DOCK3: variants seen among roughly 807,000 people sequenced by gnomAD.
The protein encoded by DOCK3 is dedicator of cytokinesis 3.
A neutral mutation model predicts 265.6 loss-of-function variants in DOCK3; 60 were observed. The observed-to-expected ratio is 0.23, with a 90% CI of 0.18 to 0.28. The LOEUF (loss-of-function observed/expected upper bound fraction) is 0.28. DOCK3 is among the 10% of genes least tolerant of loss of function. DOCK3 has a pLI of 1.00. For missense variants in DOCK3, 1,981 were observed against 2,594.3 expected (o/e 0.76, Z 5.14); for synonymous variants, 881 against 938.0 (o/e 0.94, Z 1.11).
At chr3:50,691,870 ATGTC>A (rs1203183548) in intron 1 of DOCK3, among the ~76,000 whole-genome samples, 1 of 151,314 alleles carries the variant, frequency 6.6e-6, no homozygotes, top group African/African-American at 2.4e-5. Flanking sequence ...TTTTGGAAAA[ATGTC>A]TGTTCGAATC....
At chr3:50,911,181 GTTTTTGCTTTTGTTAT>G (rs1371501687) in intron 4 of DOCK3, among the ~76,000 whole-genome samples, 9 of 151,910 alleles carry the variant, frequency 5.9e-5, no homozygotes, top group Admixed American at 5.2e-4. Context: ...CCATTTGTCT[GTTTTTGCTTTTGTTAT>G]TTTTCCTTTG....
intron 9 of DOCK3, among the ~76,000 whole-genome samples, chr3:51,098,080 G>A (rs1041270699): frequency 6.6e-6 from 1 of 151,600 alleles, no homozygotes; most frequent in African/African-American, 2.4e-5. Flanking sequence ...GCCACCGATC[G>A]GAGTTTTGCT....
intron 1 of DOCK3, among the ~76,000 whole-genome samples, chr3:50,758,189 A>G (rs1162461133): frequency 4.4e-5 from 6 of 137,682 alleles, no homozygotes; most frequent in African/African-American, 1.5e-4. Context: ...AAAAAAAAAA[A>G]AAAAAAAGAA....
chr3:50,885,612 T>TA (rs1488903349), intron 3 of DOCK3, among the ~76,000 whole-genome samples: 2 of 152,188 alleles, frequency 1.3e-5, no homozygotes, highest in African/African-American at 4.8e-5. Context: ...GCAGTTCTGA[T>TA]ACCACCAGAG....
chr3:51,375,976 C>T, intron 51 of DOCK3, 141 bp downstream of exon 51: 1 of 826,130 alleles, frequency 1.2e-6, no homozygotes, highest in Non-Finnish European at 2.0e-6. Flanking sequence ...CTGACCAGTT[C>T]TTGTGCTCAC....
intron 14 of DOCK3, among the ~76,000 whole-genome samples, chr3:51,222,868 G>A (rs61578076): frequency 0.02 from 3,091 of 152,246 alleles, 106 homozygotes; most frequent in African/African-American, 0.07. Context: ...GAAACTGTGA[G>A]CATATCTCTG....
intron 12 of DOCK3, among the ~76,000 whole-genome samples, chr3:51,203,393 A>G (rs936765668): frequency 7.9e-5 from 12 of 152,254 alleles, no homozygotes; most frequent in Admixed American, 5.2e-4. Flanking sequence ...GAGCCAAATC[A>G]TGAGTAAACT....
At chr3:50,847,076 T>A (rs576362378) in intron 3 of DOCK3, among the ~76,000 whole-genome samples, 2 of 152,244 alleles carry the variant, frequency 1.3e-5, no homozygotes, top group South Asian at 4.1e-4. Flanking sequence ...GTGTAATTGC[T>A]ATTTTTTTTT....
intron 22 of DOCK3, among the ~76,000 whole-genome samples, chr3:51,256,829 A>G (rs957547018): frequency 1.3e-5 from 2 of 152,146 alleles, no homozygotes; most frequent in African/African-American, 4.8e-5. Context: ...TCCTGACCTC[A>G]GGTGATCCAC....
chr3:51,053,078 G>GATATATATATAGAT, intron 5 of DOCK3, among the ~76,000 whole-genome samples: 1 of 43,788 alleles, frequency 2.3e-5, no homozygotes, highest in Non-Finnish European at 4.2e-5. Context: ...AAAAGTCAAA[G>GATATATATATAGAT]ATATATATAT....
chr3:51,362,656 G>A lies in DOCK3; in HGVS notation c.5275G>A (p.Ala1759Thr). 2 of 1,613,654 alleles carry A rather than the reference G, an allele frequency of 1.2e-6. No homozygotes were observed. Among genetic ancestry groups the A allele is most frequent in the East Asian group, 4.5e-5 (2 of 44,844 alleles). ...HSAPSQMITS[A>T]PSSARGSPSL... ...AGCACCATCCCAGATGATTACCTCT[G>A]CCCCTTCCAGTGCCCGAGGTAAGGA... Residue 1759 changes from alanine (A) to threonine (T), a missense_variant, in exon 49 of 53, where the codon GCC becomes ACC. Physicochemically the swap from Ala to Thr is moderately conservative, Grantham distance 58. Around this residue, in one of 4 missense-constraint regions of DOCK3, gnomAD observed 1,357 missense variants for 1,866.8 expected, o/e 0.73. Transcript: ENST00000266037.
At chr3:51,053,078 G>GATAGATATATAT (rs1345393303) in intron 5 of DOCK3, among the ~76,000 whole-genome samples, 17 of 43,804 alleles carry the variant, frequency 3.9e-4, no homozygotes, top group Non-Finnish European at 5.9e-4. Context: ...AAAAGTCAAA[G>GATAGATATATAT]ATATATATAT....
intron 27 of DOCK3, among the ~76,000 whole-genome samples, chr3:51,306,363 A>G (rs2082691011): frequency 6.6e-6 from 1 of 151,660 alleles, no homozygotes; most frequent in Non-Finnish European, 1.5e-5. Flanking sequence ...TTGGCTTTTG[A>G]CACTTTTGAT....
intron 12 of DOCK3, among the ~76,000 whole-genome samples, chr3:51,205,409 A>G (rs559457765): frequency 5.9e-5 from 9 of 152,030 alleles, no homozygotes; most frequent in African/African-American, 1.7e-4. Flanking sequence ...AAACTGAACA[A>G]TTGGCCCAGG....
Position 51,375,767 on chromosome 3 carries a change from C to A in DOCK3, c.5432C>A (p.Ala1811Asp), listed in dbSNP as rs1463040216. ...CTTCAGCCGCCGAATTTCCAGCGAG[C>A]CCTGTTCCAGCAAGTGGTCGGAGCC... ...ENGQPPNFQRALFQQVVGACK... is the reference protein window; with the variant it reads ...ENGQPPNFQRDLFQQVVGACK... The change falls in exon 51 of 53, where the codon GCC becomes GAC. Residue 1811 changes from alanine to aspartate, a missense_variant. This residue lies in a region of DOCK3 where 1,357 missense variants were observed against 1,866.8 expected (regional missense o/e 0.73). Transcript: ENST00000266037. 1 of 1,614,000 alleles carries A rather than the reference C, an allele frequency of 6.2e-7. No homozygotes were observed. The highest frequency in any genetic ancestry group is 1.7e-5 in the Admixed American group (1 of 60,028).
At chr3:50,731,591 A>G (rs2038213291) in intron 1 of DOCK3, among the ~76,000 whole-genome samples, 1 of 45,864 alleles carries the variant, frequency 2.2e-5, no homozygotes, top group African/African-American at 5.9e-5. Flanking sequence ...AGTGTAATTC[A>G]CCATTAACAA....
rs766943783 is a variant in DOCK3 at position 51,246,800 on chromosome 3, C to T, written c.2177C>T (p.Ala726Val). The T allele has an allele frequency of 6.2e-7, 1 of 1,612,878 alleles. No homozygotes were observed. The highest frequency in any genetic ancestry group is 1.1e-5 in the South Asian group (1 of 90,700). ...ELIRQDHIQE[A>V]MRALEYLFKF... is the part of the protein sequence containing the mutation. ...ATTCGACAGGACCACATTCAAGAAG[C>T]TATGCGGGTAATGTACTAACCTCTC... Residue 726 changes from alanine to valine, a missense_variant, in exon 22 of 53, where the codon GCT becomes GTT. Ala to Val is a moderately conservative substitution (Grantham distance 64, BLOSUM62 0). Coordinates refer to ENST00000266037, the MANE Select transcript of DOCK3 (RefSeq NM_004947.5).
chr3:51,148,596 G>C (rs187396444), intron 10 of DOCK3, among the ~76,000 whole-genome samples: 548 of 152,288 alleles, frequency 3.6e-3, no homozygotes, highest in Middle Eastern at 6.8e-3. Flanking sequence ...TTATTACATA[G>C]GGAATCCTTT....
At position 51,248,633 on chromosome 3, in the gene DOCK3, A is replaced by C. The variant is rs1277403492; in HGVS notation, c.2184+1826A>C. 2.6e-5 allele frequency among the ~76,000 whole-genome samples: 4 copies of C among 152,046 alleles called. No individual in the cohort carries two copies. The East Asian group carries it at 5.8e-4, about 22-fold the overall frequency. On this transcript the variant is annotated intron_variant, in intron 22 of 52. Transcript: ENST00000266037. ...CCGCCACCCCGTCTGGGCAGTGAGGAGCGTCTCCGCCTGGCCGCCCATCGT... is the reference window on the plus strand; with the variant it reads ...CCGCCACCCCGTCTGGGCAGTGAGGCGCGTCTCCGCCTGGCCGCCCATCGT...
Sources: gnomAD v4.1 joint callset for allele counts (sites outside exome capture counted in the v4.1 genomes callset) on GRCh38, gnomAD v4.1.1 for gene constraint, gnomAD v4.1.1 regional missense constraint, MANE v1.5 for transcripts, NCBI Gene and HGNC (gene_info 2026-07-23, HGNC 2026-07-21) for gene names.